LSAMP: variants seen among roughly 807,000 people sequenced by gnomAD.
LSAMP encodes the protein limbic system-associated membrane protein.
A neutral mutation model predicts 38.6 loss-of-function variants in LSAMP; 7 were observed. The ratio of observed to expected loss-of-function variants is 0.18; its 90% CI spans 0.10 to 0.34. The LOEUF (loss-of-function observed/expected upper bound fraction) is 0.34, where lower values mean the gene tolerates loss of function less well. Among genes scored for constraint, LSAMP ranks in the 10% least tolerant of loss-of-function variants. The pLI is 1.00. For synonymous variants in LSAMP, 154 were observed against 166.8 expected (o/e 0.92, Z 0.59); for missense variants, 313 against 420.0 (o/e 0.75, Z 2.23).
chr3:115,839,238 TTTCC>T (rs1211274420), intron 6 of LSAMP, among the ~76,000 whole-genome samples: 24 of 105,552 alleles, frequency 2.3e-4, no homozygotes, highest in East Asian at 6.0e-4. Flanking sequence ...CCCTTCCTTC[TTTCC>T]TTCCTTCCTT....
intron 3 of LSAMP, among the ~76,000 whole-genome samples, chr3:115,923,141 A>T (rs1181810254): frequency 6.6e-6 from 1 of 152,202 alleles, no homozygotes; most frequent in African/African-American, 2.4e-5. Context: ...CTGTGTTCTC[A>T]GTTGCCCAAG....
At chr3:116,046,820 A>G (rs1941299331) in intron 2 of LSAMP, among the ~76,000 whole-genome samples, 1 of 152,178 alleles carries the variant, frequency 6.6e-6, no homozygotes, top group Non-Finnish European at 1.5e-5. Context: ...CACACATGAA[A>G]TGAAGATAAT....
intron 3 of LSAMP, among the ~76,000 whole-genome samples, chr3:115,951,585 C>T (rs540708427): frequency 1.3e-5 from 2 of 152,196 alleles, no homozygotes; most frequent in African/African-American, 2.4e-5. Flanking sequence ...GCAGACCCAC[C>T]CTCAATCTGG....
chr3:116,104,657 A>G (rs935450923), intron 1 of LSAMP, among the ~76,000 whole-genome samples: 1 of 152,208 alleles, frequency 6.6e-6, no homozygotes, highest in Admixed American at 6.5e-5. Flanking sequence ...AGAAAATAAT[A>G]TATTTCTTAC....
At chr3:116,273,546 G>A (rs1442374287) in intron 1 of LSAMP, among the ~76,000 whole-genome samples, 2 of 150,808 alleles carry the variant, frequency 1.3e-5, no homozygotes, top group Non-Finnish European at 1.5e-5. Flanking sequence ...TGGCATTACT[G>A]CTCTCTTGGA....
intron 3 of LSAMP, among the ~76,000 whole-genome samples, chr3:115,896,018 G>A (rs1262833040): frequency 1.3e-5 from 2 of 151,900 alleles, no homozygotes; most frequent in East Asian, 3.9e-4. Context: ...ACATCTGCTG[G>A]GCTATTTGCC....
chr3:116,211,577 T>C (rs1452717219), intron 1 of LSAMP, among the ~76,000 whole-genome samples: 1 of 152,216 alleles, frequency 6.6e-6, no homozygotes, highest in Non-Finnish European at 1.5e-5. Context: ...CAAGGGATTT[T>C]AGGGGGTCCA....
At chr3:116,012,500 G>A (rs1429854998) in intron 3 of LSAMP, among the ~76,000 whole-genome samples, 4 of 152,224 alleles carry the variant, frequency 2.6e-5, no homozygotes, top group Non-Finnish European at 4.4e-5. Flanking sequence ...TATCTTCTCA[G>A]GTGAGAATGG....
chr3:116,126,349 G>C (rs1056407833), intron 1 of LSAMP, among the ~76,000 whole-genome samples: 2 of 152,204 alleles, frequency 1.3e-5, no homozygotes, highest in African/African-American at 4.8e-5. Context: ...CCTCTCAAGG[G>C]TGCTATAAAT....
chr3:115,900,194 C>T (rs1193435914), intron 3 of LSAMP, among the ~76,000 whole-genome samples: 1 of 152,074 alleles, frequency 6.6e-6, no homozygotes, highest in Admixed American at 6.6e-5. Context: ...TGGGGCAGGA[C>T]AAAACTAAGA....
At position 115,804,732 on chromosome 3, in the gene LSAMP, T is replaced by C. The variant is rs1239313085; in HGVS notation, c.*5585A>G. 1 of 152,180 alleles carries C rather than the reference T, an allele frequency of 6.6e-6. No individual in the cohort carries two copies. The highest frequency in any genetic ancestry group is 1.5e-5 in the Non-Finnish European group (1 of 68,024). The allele number at this position is 152,180 out of a possible 1,614,324, so 9.4% of individuals were successfully genotyped here. ...TTTTATGTAACAGTTGTTCATATTGTAGGAATGATATATATGTCATCCTGT... is the reference window on the plus strand; with the variant it reads ...TTTTATGTAACAGTTGTTCATATTGCAGGAATGATATATATGTCATCCTGT... On this transcript the variant is annotated 3_prime_UTR_variant, in exon 7 of 7. Transcript: ENST00000490035.
chr3:116,415,926 T>C (rs982473254), intron 1 of LSAMP, among the ~76,000 whole-genome samples: 2 of 152,106 alleles, frequency 1.3e-5, no homozygotes, highest in East Asian at 1.9e-4. Context: ...ACTCCATAAA[T>C]TGTATACATT....
At chr3:116,319,133 A>G (rs1287612580) in intron 1 of LSAMP, among the ~76,000 whole-genome samples, 2 of 152,204 alleles carry the variant, frequency 1.3e-5, no homozygotes, top group Admixed American at 1.3e-4. Flanking sequence ...ATTTCTCTTT[A>G]AACAGTGGTA....
chr3:116,280,015 C>A (rs1452098992), intron 1 of LSAMP, among the ~76,000 whole-genome samples: 1 of 151,934 alleles, frequency 6.6e-6, no homozygotes, highest in East Asian at 1.9e-4. Context: ...CAGGCATTTA[C>A]ATGGGATTAT....
Position 115,869,759 on chromosome 3 carries a change from A to G in LSAMP, c.515-17142T>C, listed in dbSNP as rs1222889413. 8.7e-4 allele frequency among the ~76,000 whole-genome samples: 132 copies of G among 152,224 alleles called. 1 individual carries two copies. The highest frequency in any genetic ancestry group is 8.8e-5 in the Non-Finnish European group (6 of 68,000). On this transcript the variant is annotated intron_variant, in intron 3 of 6. Transcript: ENST00000490035. ...TTTCTATGTCTGGTGAATCACTTGT[A>G]AAATGTTAGATTGTAGATTAAATGC...
intron 1 of LSAMP, among the ~76,000 whole-genome samples, chr3:116,229,540 T>G (rs914167934): frequency 4.6e-5 from 7 of 152,094 alleles, no homozygotes; most frequent in Non-Finnish European, 8.8e-5. Context: ...GTGTTTAAGT[T>G]CACAGATAAG....
At chr3:116,227,274 T>A (rs1329669406) in intron 1 of LSAMP, among the ~76,000 whole-genome samples, 2 of 152,224 alleles carry the variant, frequency 1.3e-5, no homozygotes, top group Non-Finnish European at 2.9e-5. Context: ...TTAGTCACTC[T>A]TTCAAATTGT....
intron 1 of LSAMP, among the ~76,000 whole-genome samples, chr3:116,199,765 T>A (rs2045964551): frequency 8.0e-6 from 1 of 124,378 alleles, no homozygotes; most frequent in African/African-American, 2.5e-5. Flanking sequence ...ATTGTAGGAT[T>A]TATAAAAAAT....
chr3:116,425,022 G>A (rs2049176648), intron 1 of LSAMP, among the ~76,000 whole-genome samples: 2 of 151,708 alleles, frequency 1.3e-5, no homozygotes. Flanking sequence ...AAAAGAGAGT[G>A]GAGTTTGCCA....
Sources: allele counts gnomAD v4.1 joint callset (sites outside exome capture counted in the v4.1 genomes callset), GRCh38; gene constraint gnomAD v4.1.1; transcripts MANE v1.5; gene names NCBI Gene and HGNC (gene_info 2026-07-23, HGNC 2026-07-21).